PIAS1: variants seen among roughly 807,000 people sequenced by gnomAD.
The protein encoded by PIAS1 is E3 SUMO-protein ligase PIAS1.
Under a neutral mutation model 71.3 loss-of-function variants are expected in PIAS1, and 6 were observed. That is an observed-to-expected ratio of 0.08 (90% confidence interval 0.05 to 0.17). The LOEUF is 0.17. Ranked by LOEUF, PIAS1 falls within the 10% of genes least tolerant of loss-of-function variation. The pLI, the probability that PIAS1 is intolerant of heterozygous loss-of-function variation, is 1.00. For missense variants in PIAS1, 555 were observed against 793.6 expected (o/e 0.70, Z 3.61); for synonymous variants, 303 against 292.9 (o/e 1.03, Z -0.35).
intron 2 of PIAS1, among the ~76,000 whole-genome samples, chr15:68,092,839 G>T (rs529933046): frequency 1.2e-4 from 18 of 152,290 alleles, no homozygotes; most frequent in South Asian, 1.0e-3. Context: ...TTCCAGAACT[G>T]TGAGAAATAA....
chr15:68,119,078 A>G (rs1229704473), intron 2 of PIAS1, among the ~76,000 whole-genome samples: 1 of 143,278 alleles, frequency 7.0e-6, no homozygotes, highest in South Asian at 2.3e-4. Context: ...CAAACAACTC[A>G]GCAGCAACAA....
chr15:68,056,220 G>A (rs1439148650), intron 1 of PIAS1, among the ~76,000 whole-genome samples: 1 of 152,186 alleles, frequency 6.6e-6, no homozygotes, highest in Non-Finnish European at 1.5e-5. Context: ...GTTATACATG[G>A]ACCATAGAAT....
intron 1 of PIAS1, among the ~76,000 whole-genome samples, chr15:68,055,415 C>T (rs1027352621): frequency 2.6e-5 from 4 of 152,096 alleles, no homozygotes; most frequent in African/African-American, 7.2e-5. Flanking sequence ...CCCCTTTTCC[C>T]CGCTTTTCTC....
intron 2 of PIAS1, among the ~76,000 whole-genome samples, chr15:68,135,078 G>A (rs1207436859): frequency 4.3e-3 from 205 of 47,198 alleles, no homozygotes; most frequent in African/African-American, 8.7e-3. Context: ...CGGACGGGGT[G>A]GCTGGCCGGG....
intron 6 of PIAS1, among the ~76,000 whole-genome samples, chr15:68,150,021 T>TA (rs902358810): frequency 2.0e-5 from 3 of 152,210 alleles, no homozygotes; most frequent in African/African-American, 7.2e-5. Context: ...GATTTTTTTT[T>TA]AGAAATGGAT....
At chr15:68,175,094 G>C in intron 9 of PIAS1, among the ~76,000 whole-genome samples, 1 of 152,052 alleles carries the variant, frequency 6.6e-6, no homozygotes, top group East Asian at 1.9e-4. Flanking sequence ...AATTGTGATT[G>C]TACACTGTTA....
At chr15:68,071,206 G>GC (rs56809829) in intron 1 of PIAS1, among the ~76,000 whole-genome samples, 2,871 of 55,836 alleles carry the variant, frequency 0.051, 43 homozygotes, top group Non-Finnish European at 0.071. Context: ...TTTCACCCCC[G>GC]CCCCCCCGCC....
intron 2 of PIAS1, among the ~76,000 whole-genome samples, chr15:68,097,918 A>G (rs1293203856): frequency 4.6e-5 from 7 of 152,152 alleles, no homozygotes; most frequent in Non-Finnish European, 8.8e-5. Context: ...AACATTTTCC[A>G]CTTCTGACAT....
At chr15:68,075,909 A>G (rs1038545997) in intron 1 of PIAS1, among the ~76,000 whole-genome samples, 5 of 151,910 alleles carry the variant, frequency 3.3e-5, no homozygotes, top group African/African-American at 1.2e-4. Flanking sequence ...CAGCCTCTCA[A>G]GTAGCTGGGA....
At chr15:68,106,459 T>C (rs1357844207) in intron 2 of PIAS1, among the ~76,000 whole-genome samples, 1 of 152,160 alleles carries the variant, frequency 6.6e-6, no homozygotes, top group Non-Finnish European at 1.5e-5. Flanking sequence ...TGGAGAGTTT[T>C]GTGGTTTCCA....
In PIAS1 at chr15:68,191,733, T is replaced by G. The variant is rs1241199038; in HGVS notation, c.*3898T>G. On this transcript the variant is annotated 3_prime_UTR_variant, in exon 14 of 14. Transcript: ENST00000249636. ...AATGCTAAGAGCACCGTGGCCTTCT[T>G]GTAAACAACACTAGGTGCTAGAGAA... 1 of 152,278 alleles carries G rather than the reference T, an allele frequency of 6.6e-6. No individual in the cohort carries two copies. Among genetic ancestry groups the G allele is most frequent in the Non-Finnish European group, 1.5e-5 (1 of 68,034 alleles). 9.4% of individuals were successfully genotyped at this position (152,278 alleles called of 1,614,324 possible).
In PIAS1 at chr15:68,066,610, T is replaced by C. The variant is rs190274729; in HGVS notation, c.24+12260T>C. Among the ~76,000 whole-genome samples the C allele has an allele frequency of 1.2e-4, 19 of 152,308 alleles. No homozygotes were observed. In the East Asian group the frequency reaches 3.7e-3, roughly 29 times the overall value. On this transcript the variant is annotated intron_variant, in intron 1 of 13. Transcript: ENST00000249636. ...AAACAGGACCTAGAAATTGTAAGAC[T>C]CTGAATGCTTTTCAGTTTCTTTCTG... is the stretch of plus-strand genomic sequence containing the variant.
intron 2 of PIAS1, among the ~76,000 whole-genome samples, chr15:68,140,914 A>G (rs1046398790): frequency 6.6e-6 from 1 of 152,196 alleles, no homozygotes; most frequent in Non-Finnish European, 1.5e-5. Context: ...GCTATTTCTT[A>G]AAATTTTGTA....
At position 68,187,470 on chromosome 15, in the gene PIAS1, C is replaced by T. The variant is rs1455596285; in HGVS notation, c.1663-72C>T. ...GGCTATCTTAAATTTAGGGCTGTGT[C>T]CCGCTGAGGAGAAAATATATTAATT... On this transcript the variant is annotated intron_variant, in intron 13 of 13. Transcript: ENST00000249636. The surrounding 1 kb of genome is among the most constrained non-coding windows in gnomAD (Gnocchi z 5.3). The T allele has an allele frequency of 4.4e-6, 6 of 1,378,076 alleles. No homozygotes were observed. Among genetic ancestry groups the T allele is most frequent in the South Asian group, 1.3e-5 (1 of 78,526 alleles). 85.4% of individuals were successfully genotyped at this position (1,378,076 alleles called of 1,614,324 possible).
intron 6 of PIAS1, among the ~76,000 whole-genome samples, chr15:68,151,044 C>A (rs1313171794): frequency 6.7e-6 from 1 of 148,956 alleles, no homozygotes; most frequent in East Asian, 1.9e-4. Flanking sequence ...AAGCAATAAA[C>A]AAAACTATCA....
At chr15:68,181,550 A>G in intron 12 of PIAS1, 196 bp downstream of exon 12, 1 of 519,462 alleles carries the variant, frequency 1.9e-6, no homozygotes. Context: ...ATCAGTAGCC[A>G]GTGTTTTACT....
chr15:68,105,973 C>T (rs2092464972), intron 2 of PIAS1, among the ~76,000 whole-genome samples: 1 of 151,926 alleles, frequency 6.6e-6, no homozygotes, highest in Admixed American at 6.6e-5. Context: ...AAGAAATTAC[C>T]TCACATAAAC....
chr15:68,101,641 T>G (rs2092428240), intron 2 of PIAS1, among the ~76,000 whole-genome samples: 1 of 152,076 alleles, frequency 6.6e-6, no homozygotes, highest in Non-Finnish European at 1.5e-5. Context: ...GCTTGTCTTC[T>G]TAATAGGATC....
chr15:68,156,314 G>C (rs2092888872), intron 7 of PIAS1, among the ~76,000 whole-genome samples: 1 of 152,164 alleles, frequency 6.6e-6, no homozygotes, highest in South Asian at 2.1e-4. Context: ...CTGATACTGT[G>C]ATACTTAAGG....
Sources: allele counts gnomAD v4.1 joint callset (sites outside exome capture counted in the v4.1 genomes callset), GRCh38; gene constraint gnomAD v4.1.1; non-coding constraint Gnocchi (gnomAD v3.1); transcripts MANE v1.5; gene names NCBI Gene and HGNC (gene_info 2026-07-23, HGNC 2026-07-21).